The following FGF13 variants were observed in gnomAD, a reference collection of about 807,000 sequenced individuals.
FGF13 encodes the protein fibroblast growth factor 13.
A neutral mutation model predicts 19.5 loss-of-function variants in FGF13; 2 were observed. The observed-to-expected ratio is 0.10, with a 90% CI of 0.04 to 0.32. The LOEUF is 0.32. Among genes scored for constraint, FGF13 ranks in the 10% least tolerant of loss-of-function variants. The probability of loss-of-function intolerance (pLI) is 1.00; values close to 1 mark genes in which losing one functional copy is unlikely to be tolerated. For missense variants in FGF13, 113 were observed against 192.7 expected, an observed-to-expected ratio of 0.59 and a Z score of 2.45; for synonymous variants, 72 against 76.9, an observed-to-expected ratio of 0.94 and a Z score of 0.33.
intron 3 of FGF13, among the ~76,000 whole-genome samples, chrX:138,760,397 G>A (rs1032971153): frequency 9.0e-6 from 1 of 111,103 alleles, no homozygotes; most frequent in Non-Finnish European, 1.9e-5. Flanking sequence ...CTTCCCCTTC[G>A]TTTGAGTTCC....
chrX:139,131,543 T>C (rs906163484), intron 1 of FGF13, among the ~76,000 whole-genome samples: 1 of 110,521 alleles, frequency 9.0e-6, no homozygotes. Context: ...CAAGACCAAC[T>C]GGGGCAATAT....
At chrX:139,069,584 G>A (rs983355307) in intron 1 of FGF13, among the ~76,000 whole-genome samples, 12 of 106,761 alleles carry the variant, frequency 1.1e-4, no homozygotes, top group Non-Finnish European at 1.5e-4. Context: ...TGCTCAATGC[G>A]CACATGTACC....
In FGF13 at chrX:138,926,722, G is replaced by A. The variant is rs144836951; in HGVS notation, c.-112-62072C>T. Among the ~76,000 whole-genome samples the A allele has an allele frequency of 6.2e-4, 69 of 112,069 alleles. No individual in the cohort carries two copies. In the East Asian group the frequency reaches 0.015, roughly 25 times the overall value. ...AATCCCAGCACTTTGGGAGGCCGAG[G>A]TGGGCACATCCCTTGAGATCAGGAG... is the stretch of plus-strand genomic sequence containing the variant. On this transcript the variant is annotated intron_variant, in intron 1 of 2. Transcript: ENST00000421460.
At chrX:139,128,177 G>A (rs2083731141) in intron 1 of FGF13, among the ~76,000 whole-genome samples, 1 of 110,396 alleles carries the variant, frequency 9.1e-6, no homozygotes, top group Non-Finnish European at 1.9e-5. Flanking sequence ...TCATTACCGG[G>A]ATTATCCTTC....
rs1251573654 is a variant in FGF13 at position 138,629,431 on chromosome X, G to T, written c.*3419C>A. On this transcript the variant is annotated 3_prime_UTR_variant, in exon 5 of 5. Coordinates refer to ENST00000315930, the MANE Select transcript of FGF13 (RefSeq NM_004114.5). ...GAGTTGTAATCCCAATGTGTTGAGG[G>T]AGGGACCTGGTGGGAGGTGATTGGA... 1 of 111,644 alleles carries T rather than the reference G, an allele frequency of 9.0e-6. No homozygotes were observed. The highest frequency in any genetic ancestry group is 3.3e-5 in the African/African-American group (1 of 30,723). The allele number at this position is 111,644 out of a possible 1,213,427, so 9.2% of individuals were successfully genotyped here.
intron 1 of FGF13, among the ~76,000 whole-genome samples, chrX:139,005,167 T>C (rs2092095125): frequency 3.1e-5 from 3 of 95,289 alleles, no homozygotes; most frequent in Admixed American, 2.5e-4. Flanking sequence ...CCCACTGGCG[T>C]TGACCACAGG....
intron 3 of FGF13, among the ~76,000 whole-genome samples, chrX:138,801,253 G>A (rs1158848575): frequency 8.9e-6 from 1 of 112,030 alleles, no homozygotes; most frequent in Non-Finnish European, 1.9e-5. Context: ...GATGACCTTC[G>A]AATGGGACTT....
chrX:139,147,105 C>T (rs1305657772), intron 1 of FGF13, among the ~76,000 whole-genome samples: 1 of 108,074 alleles, frequency 9.3e-6, no homozygotes, highest in Non-Finnish European at 1.9e-5. Context: ...TACCCTAGAA[C>T]TTAAAGTATA....
intron 1 of FGF13, among the ~76,000 whole-genome samples, chrX:139,050,208 T>C (rs1230346284): frequency 9.0e-6 from 1 of 111,655 alleles, no homozygotes; most frequent in South Asian, 3.8e-4. Context: ...AGGTATAGGA[T>C]CCATGTCCTT....
Position 138,710,075 on chromosome X carries a change from G to C in FGF13, c.187+742C>G, listed in dbSNP as rs140637339. ...TTGACGCAACCTGACACCTAGAGCT[G>C]AATTTCCAGTCGCTGGAATATCGCG... is the stretch of plus-strand genomic sequence containing the variant. On this transcript the variant is annotated intron_variant, in intron 1 of 4. Transcript: ENST00000315930. 4.2e-3 allele frequency among the ~76,000 whole-genome samples: 463 copies of C among 111,294 alleles called. 2 individuals carry two copies. Among genetic ancestry groups the C allele is most frequent in the Non-Finnish European group, 5.2e-3 (277 of 53,059 alleles).
At chrX:138,682,038 T>C (rs886593567) in intron 3 of FGF13, among the ~76,000 whole-genome samples, 6 of 112,384 alleles carry the variant, frequency 5.3e-5, no homozygotes, top group African/African-American at 1.6e-4. Flanking sequence ...AGTGAGCACA[T>C]GCTGTTGGAA....
At chrX:138,809,296 C>G (rs2090901023) in intron 3 of FGF13, among the ~76,000 whole-genome samples, 2 of 111,836 alleles carry the variant, frequency 1.8e-5, no homozygotes, top group Admixed American at 1.9e-4. Context: ...TCAACATATG[C>G]AAATCAATAA....
intron 1 of FGF13, among the ~76,000 whole-genome samples, chrX:139,123,726 A>G (rs2083694349): frequency 8.9e-6 from 1 of 112,562 alleles, no homozygotes; most frequent in Non-Finnish European, 1.9e-5. Context: ...CTCCCCACTA[A>G]GAATGGTACT....
chrX:139,171,588 T>G (rs1054813389), intron 1 of FGF13, among the ~76,000 whole-genome samples: 3 of 111,221 alleles, frequency 2.7e-5, no homozygotes, highest in African/African-American at 9.8e-5. Flanking sequence ...TGCCTGCTTG[T>G]CTCCCTACCT....
rs59882808 is a variant in FGF13 at position 139,099,377 on chromosome X, C to CAAAAAAA, written c.-113+104032_-113+104038dup. Among the ~76,000 whole-genome samples, 44 of 32,959 alleles carry CAAAAAAA rather than the reference C, an allele frequency of 1.3e-3. 2 individuals carry two copies. The highest frequency in any genetic ancestry group is 3.6e-3 in the African/African-American group (33 of 9,198). The allele number at this position is 32,959 out of a possible 115,157, so 28.6% of individuals were successfully genotyped here. A position where few individuals can be genotyped will look rare whatever the true frequency, so the allele number is the denominator to read the frequency against. The stretch of plus-strand genomic sequence containing the variant: ...AATAGTGGTGAAGAGGTTTCTATCT[C>CAAAAAAA]AAAAAAAAAAAAAAAAAAAAAGAAA... On this transcript the variant is annotated intron_variant, in intron 1 of 2. Transcript: ENST00000421460.
chrX:139,107,776 AGAAG>A (rs1164360650), intron 1 of FGF13, among the ~76,000 whole-genome samples: 1 of 110,949 alleles, frequency 9.0e-6, no homozygotes, highest in African/African-American at 3.3e-5. Flanking sequence ...CACAATGATG[AGAAG>A]GAAGAGGAGA....
intron 1 of FGF13, among the ~76,000 whole-genome samples, chrX:139,027,603 T>C (rs2092205550): frequency 8.9e-6 from 1 of 112,182 alleles, no homozygotes; most frequent in Non-Finnish European, 1.9e-5. Flanking sequence ...TTAAAACATG[T>C]AACATGGATT....
At chrX:138,790,604 T>G (rs1192335430) in intron 3 of FGF13, among the ~76,000 whole-genome samples, 1 of 111,881 alleles carries the variant, frequency 8.9e-6, no homozygotes, top group Non-Finnish European at 1.9e-5. Context: ...TCATCTACCT[T>G]ATGGTTTCTT....
At chrX:139,110,901 T>C (rs759511987) in intron 1 of FGF13, among the ~76,000 whole-genome samples, 1 of 111,064 alleles carries the variant, frequency 9.0e-6, no homozygotes, top group South Asian at 3.8e-4. Flanking sequence ...AGTGGTGGCT[T>C]CCCAACTCCC....
Sources: gnomAD v4.1 joint callset for allele counts (sites outside exome capture counted in the v4.1 genomes callset) on GRCh38, gnomAD v4.1.1 for gene constraint, MANE v1.5 for transcripts, NCBI Gene and HGNC (gene_info 2026-07-23, HGNC 2026-07-21) for gene names.